Variants in ADCY8 observed in about 807,000 individuals in gnomAD.
ADCY8 encodes adenylate cyclase type 8.
A neutral mutation model predicts 119.7 loss-of-function variants in ADCY8; 51 were observed. That is an observed-to-expected ratio of 0.43 (90% CI 0.34 to 0.54). The LOEUF (loss-of-function observed/expected upper bound fraction) is 0.54, where lower values mean the gene tolerates loss of function less well. Among genes scored for constraint, ADCY8 ranks in the 20% least tolerant of loss-of-function variants. ADCY8 has a pLI of 0.03. For synonymous variants in ADCY8, 665 were observed against 651.0 expected (o/e 1.02, Z -0.33); for missense variants, 1,383 against 1,598.8 (o/e 0.87, Z 2.30).
intron 1 of ADCY8, among the ~76,000 whole-genome samples, chr8:131,012,539 C>T (rs1385703192): frequency 3.3e-5 from 5 of 152,172 alleles, no homozygotes; most frequent in Admixed American, 2.0e-4. Context: ...AAGGGGTGCA[C>T]CGTGGTGGAT....
intron 9 of ADCY8, among the ~76,000 whole-genome samples, chr8:130,865,924 C>G (rs1818103219): frequency 6.6e-6 from 1 of 152,098 alleles, no homozygotes; most frequent in Non-Finnish European, 1.5e-5. Context: ...TGGGCAAACT[C>G]CTTCCCACTT....
Position 130,823,317 on chromosome 8 carries a change from C to G in ADCY8, c.2676-1897G>C, listed in dbSNP as rs1460139930. Among the ~76,000 whole-genome samples, 5 of 152,242 alleles carry G rather than the reference C, an allele frequency of 3.3e-5. No homozygotes were observed. In the East Asian group the frequency reaches 9.7e-4, roughly 29 times the overall value. Reference sequence around the variant, plus strand: ...GCCTGAGCACAGACTGCAGAATATGCACAGTAAGTCAGCCAGGCTGAGGAG... The same window carrying G: ...GCCTGAGCACAGACTGCAGAATATGGACAGTAAGTCAGCCAGGCTGAGGAG... On this transcript the variant is annotated intron_variant, in intron 12 of 17. Coordinates refer to ENST00000286355, the MANE Select transcript of ADCY8 (RefSeq NM_001115.3).
At chr8:131,005,782 T>C (rs1823097377) in intron 1 of ADCY8, among the ~76,000 whole-genome samples, 1 of 152,118 alleles carries the variant, frequency 6.6e-6, no homozygotes, top group Non-Finnish European at 1.5e-5. Context: ...ATACCATCCC[T>C]CCCCTTGCCC....
intron 2 of ADCY8, among the ~76,000 whole-genome samples, chr8:130,966,458 C>T (rs1424626025): frequency 6.6e-6 from 1 of 152,064 alleles, no homozygotes; most frequent in Admixed American, 6.6e-5. Flanking sequence ...AGGGAAGTCC[C>T]AGAAAAATGA....
At chr8:130,786,355 G>T (rs534813231) in intron 15 of ADCY8, among the ~76,000 whole-genome samples, 1 of 152,170 alleles carries the variant, frequency 6.6e-6, no homozygotes, top group Non-Finnish European at 1.5e-5. Flanking sequence ...CTAAGAGAGG[G>T]AAACCTTGGT....
intron 12 of ADCY8, among the ~76,000 whole-genome samples, chr8:130,831,346 T>A (rs1465436087): frequency 6.6e-6 from 1 of 152,224 alleles, no homozygotes; most frequent in African/African-American, 2.4e-5. Context: ...GTCTTCAAAA[T>A]TTCCTATTTT....
intron 8 of ADCY8, among the ~76,000 whole-genome samples, chr8:130,871,969 C>A (rs541314655): frequency 3.3e-5 from 5 of 152,128 alleles, no homozygotes; most frequent in Admixed American, 6.5e-5. Flanking sequence ...CACGTGCACA[C>A]ACACACACAT....
intron 1 of ADCY8, among the ~76,000 whole-genome samples, chr8:130,999,944 T>C (rs1822892039): frequency 6.6e-6 from 1 of 152,232 alleles, no homozygotes; most frequent in African/African-American, 2.4e-5. Context: ...AGGACTGATG[T>C]TTCATCATAA....
intron 2 of ADCY8, among the ~76,000 whole-genome samples, chr8:130,957,850 G>A (rs1323786899): frequency 6.6e-6 from 1 of 152,234 alleles, no homozygotes; most frequent in African/African-American, 2.4e-5. Flanking sequence ...TTAAGAATTG[G>A]GGTTTGGGAA....
chr8:130,847,614 G>A (rs1177277803), intron 10 of ADCY8, 101 bp from the exon 11 acceptor site: 2 of 975,732 alleles, frequency 2.0e-6, no homozygotes, highest in Non-Finnish European at 3.1e-6. Flanking sequence ...ATCAGTGGCT[G>A]GGCTTCAGCA....
chr8:130,924,509 G>C (rs1820404440), intron 5 of ADCY8, among the ~76,000 whole-genome samples: 1 of 152,148 alleles, frequency 6.6e-6, no homozygotes. Flanking sequence ...TTGTCTTCTT[G>C]TGCAGGGTGC....
chr8:130,802,863 T>G (rs1815825246), intron 14 of ADCY8, among the ~76,000 whole-genome samples: 1 of 152,202 alleles, frequency 6.6e-6, no homozygotes, highest in Non-Finnish European at 1.5e-5. Flanking sequence ...ACTTGACCAA[T>G]GCCAGTGGGA....
At chr8:130,923,961 T>A (rs1275160755) in intron 5 of ADCY8, among the ~76,000 whole-genome samples, 1 of 152,252 alleles carries the variant, frequency 6.6e-6, no homozygotes. Flanking sequence ...CCTCTTTCAA[T>A]ATCAGTTCTG....
At chr8:130,915,929 A>T (rs1458854180) in intron 5 of ADCY8, among the ~76,000 whole-genome samples, 2 of 152,100 alleles carry the variant, frequency 1.3e-5, no homozygotes, top group South Asian at 2.1e-4. Context: ...CCTGGAAAAA[A>T]CGGTGCCCTT....
chr8:130,983,721 C>T (rs1336459533), intron 2 of ADCY8, among the ~76,000 whole-genome samples: 1 of 152,012 alleles, frequency 6.6e-6, no homozygotes, highest in Non-Finnish European at 1.5e-5. Flanking sequence ...CTTATATAAT[C>T]CAAATTAGGC....
At chr8:130,870,538 A>G (rs957919313) in intron 8 of ADCY8, among the ~76,000 whole-genome samples, 15 of 152,106 alleles carry the variant, frequency 9.9e-5, no homozygotes, top group African/African-American at 3.6e-4. Context: ...GGTCCTAAGC[A>G]GGGCATCTCA....
intron 5 of ADCY8, among the ~76,000 whole-genome samples, chr8:130,927,410 C>G (rs1032654116): frequency 3.3e-5 from 5 of 152,092 alleles, no homozygotes; most frequent in African/African-American, 1.2e-4. Context: ...AATGTATATT[C>G]AGGTCCTTTG....
At chr8:131,010,641 A>G (rs1823270623) in intron 1 of ADCY8, among the ~76,000 whole-genome samples, 1 of 152,240 alleles carries the variant, frequency 6.6e-6, no homozygotes, top group South Asian at 2.1e-4. Flanking sequence ...TAATTCCAGC[A>G]ATGCTGTCTG....
At chr8:130,783,852 G>A (rs1405352374) in intron 16 of ADCY8, 47 bp from the exon 17 acceptor site, 1 of 1,466,226 alleles carries the variant, frequency 6.8e-7, no homozygotes, top group Admixed American at 1.7e-5. Context: ...GGAATGTGGG[G>A]GAACATTAAC....
Sources: gnomAD v4.1 joint callset for allele counts (sites outside exome capture counted in the v4.1 genomes callset) on GRCh38, gnomAD v4.1.1 for gene constraint, MANE v1.5 for transcripts, NCBI Gene and HGNC (gene_info 2026-07-23, HGNC 2026-07-21) for gene names.